LAMA3: variants seen among roughly 807,000 people sequenced by gnomAD.
LAMA3 encodes the protein laminin subunit alpha-3.
LAMA3 carries 281 observed loss-of-function variants against 402.0 expected under a neutral mutation model. That is an observed-to-expected ratio of 0.70 (90% CI 0.63 to 0.77). The LOEUF (loss-of-function observed/expected upper bound fraction) is 0.77. LAMA3 is among the 30% of genes least tolerant of loss of function. The pLI is 0.00. For missense variants in LAMA3, 3,840 were observed against 4,215.5 expected (o/e 0.91, Z 2.47); for synonymous variants, 1,431 against 1,558.4 (o/e 0.92, Z 1.93).
chr18:23,840,377 CTTTCT>C, intron 27 of LAMA3, among the ~76,000 whole-genome samples: 1 of 79,518 alleles, frequency 1.3e-5, no homozygotes, highest in East Asian at 4.2e-4. Flanking sequence ...AAGAACCTTT[CTTTCT>C]TTTTTTTTTT....
intron 12 of LAMA3, among the ~76,000 whole-genome samples, chr18:23,786,019 G>A (rs1302107971): frequency 6.6e-6 from 1 of 152,194 alleles, no homozygotes; most frequent in East Asian, 1.9e-4. Flanking sequence ...AACAACAGAG[G>A]AGGGAGGTTG....
intron 2 of LAMA3, among the ~76,000 whole-genome samples, chr18:23,745,013 C>T (rs558215845): frequency 1.9e-4 from 29 of 151,944 alleles, no homozygotes; most frequent in African/African-American, 7.0e-4. Flanking sequence ...TGAATATGGA[C>T]AATGTATTAA....
Position 23,829,416 on chromosome 18 carries a change from C to T in LAMA3, c.2823+1949C>T, listed in dbSNP as rs182056801. On this transcript the variant is annotated intron_variant, in intron 23 of 74. Transcript: ENST00000313654. ...AGAGGTTTTTATCCTCTCCTTCTTT[C>T]GCATCTGTTTCAGCCTGCTAATTTT... Among the ~76,000 whole-genome samples the T allele has an allele frequency of 2.3e-3, 351 of 152,262 alleles. 3 individuals are homozygous for T. Among genetic ancestry groups the T allele is most frequent in the African/African-American group, 7.9e-3 (327 of 41,546 alleles).
intron 52 of LAMA3, among the ~76,000 whole-genome samples, chr18:23,906,925 A>G (rs2081268056): frequency 6.6e-6 from 1 of 152,156 alleles, no homozygotes; most frequent in Admixed American, 6.5e-5. Context: ...ATTTTTGATG[A>G]CCCAAGGATG....
intron 52 of LAMA3, among the ~76,000 whole-genome samples, 177 bp downstream of exon 52, chr18:23,905,801 G>A (rs187348883): frequency 9.9e-5 from 15 of 152,166 alleles, no homozygotes; most frequent in Admixed American, 3.9e-4. Flanking sequence ...TGGGGTCTCC[G>A]TTGCCCAGGC....
rs987200455 is a variant in LAMA3 at position 23,836,839 on chromosome 18, A to C, written c.2985-142A>C. 1.4e-5 allele frequency: 10 copies of C among 699,304 alleles called. No homozygotes were observed. The Admixed American group carries it at 2.0e-4, about 14-fold the overall frequency. The allele number at this position is 699,304 out of a possible 1,614,324, so 43.3% of individuals were successfully genotyped here. A position where few individuals can be genotyped will look rare whatever the true frequency, so the allele number is the denominator to read the frequency against. ...GAGACTGCGAGCTGCATCCTTCTTC[A>C]ACTCATCATGCAGGAAAATTCACTA... On this transcript the variant is annotated intron_variant, in intron 24 of 74. Coordinates refer to ENST00000313654, the MANE Select transcript of LAMA3 (RefSeq NM_198129.4).
chr18:23,741,167 G>A (rs113557499), intron 2 of LAMA3, among the ~76,000 whole-genome samples: 7,723 of 151,886 alleles, frequency 0.051, 462 homozygotes, highest in Admixed American at 0.18. Flanking sequence ...CACTGTGTTA[G>A]CCAGGAGAGT....
rs201093281 is a variant in LAMA3 at position 23,921,515 on chromosome 18, A to G, written c.8107A>G (p.Ile2703Val). 642 of 1,613,554 alleles carry G rather than the reference A, an allele frequency of 4.0e-4. No individual in the cohort carries two copies. The highest frequency in any genetic ancestry group is 5.3e-4 in the Non-Finnish European group (625 of 1,179,600). Residue 2703 changes from isoleucine to valine, a missense_variant, in exon 62 of 75, where the codon ATA becomes GTA. This residue lies in a region of LAMA3 where 840 missense variants were observed against 981.9 expected (regional missense o/e 0.86). Transcript: ENST00000313654. ...MWINVDVQNTIIDGEVFDFST... is the reference protein window; with the variant it reads ...MWINVDVQNTVIDGEVFDFST... ...GATAAATGTGGACGTTCAAAACACT[A>G]TAATTGATGGTGAAGTATTTGATTT...
At chr18:23,751,317 A>G (rs1394017428) in intron 5 of LAMA3, among the ~76,000 whole-genome samples, 1 of 152,206 alleles carries the variant, frequency 6.6e-6, no homozygotes, top group Non-Finnish European at 1.5e-5. Context: ...AAGGCAAATG[A>G]TTATAGTCAG....
At chr18:23,899,664 G>GA in intron 47 of LAMA3, 1 of 492,978 alleles carries the variant, frequency 2.0e-6, no homozygotes, top group Non-Finnish European at 3.6e-6. Context: ...TTACCATCAT[G>GA]CAAAGAAAAA....
chr18:23,907,622 C>A lies in LAMA3; in HGVS notation c.6791C>A (p.Thr2264Asn), dbSNP rs1048645903. 2 of 1,613,938 alleles carry A rather than the reference C, an allele frequency of 1.2e-6. No individual in the cohort carries two copies. The highest frequency in any genetic ancestry group is 1.7e-6 in the Non-Finnish European group (2 of 1,179,780). ...IVTVQKEVID[T>N]NLTTLRDGLH... ...ACAGTTCAGAAAGAAGTGATAGACA[C>A]CAATCTCACAACTCTCCGAGATGGT... Residue 2264 changes from threonine to asparagine, a missense_variant, in exon 53 of 75, where the codon ACC becomes AAC. Transcript: ENST00000313654.
At chr18:23,923,739 A>G (rs931244969) in intron 62 of LAMA3, among the ~76,000 whole-genome samples, 1 of 152,208 alleles carries the variant, frequency 6.6e-6, no homozygotes, top group Non-Finnish European at 1.5e-5. Flanking sequence ...GGGCTTACCC[A>G]GAGCCAGGAG....
In LAMA3 at chr18:23,859,104, C is replaced by G. The variant is rs2064154686; in HGVS notation, c.4422+275C>G. On this transcript the variant is annotated intron_variant, in intron 34 of 74. Coordinates refer to ENST00000313654, the MANE Select transcript of LAMA3 (RefSeq NM_198129.4). Reference sequence around the variant, plus strand: ...ATTTTGTTTTAAAATTTGTTTATTGCCCTTCTTCTTCCATCCCTAGAATGG... The same window carrying G: ...ATTTTGTTTTAAAATTTGTTTATTGGCCTTCTTCTTCCATCCCTAGAATGG... Among the ~76,000 whole-genome samples, 6 of 152,160 alleles carry G rather than the reference C, an allele frequency of 3.9e-5. No homozygotes were observed. The South Asian group carries it at 1.2e-3, about 32-fold the overall frequency.
At chr18:23,855,456 C>G (rs1339883504) in intron 32 of LAMA3, among the ~76,000 whole-genome samples, 1 of 152,228 alleles carries the variant, frequency 6.6e-6, no homozygotes, top group African/African-American at 2.4e-5. Context: ...AGTCCTTGTG[C>G]TCCACACTCG....
rs773002721 is a variant in LAMA3, at chr18:23,867,903, G to A, written c.4753G>A (p.Val1585Met). ...GCCAGACCGGCTGCATCATGGACGA[G>A]TGCACGTGGTCGAGGTAAAGGAAGA... ...PRPDRLHHGR[V>M]HVVEGNFRHA... The change falls in exon 37 of 75, where the codon GTG becomes ATG. Residue 1585 changes from valine to methionine, a missense_variant. Val to Met is a conservative substitution (Grantham distance 21). Transcript: ENST00000313654. 4 of 1,614,032 alleles carry A rather than the reference G, an allele frequency of 2.5e-6. No homozygotes were observed. Among genetic ancestry groups the A allele is most frequent in the Admixed American group, 1.7e-5 (1 of 60,032 alleles).
chr18:23,930,780 G>A (rs1329153122), intron 64 of LAMA3, among the ~76,000 whole-genome samples: 1 of 152,120 alleles, frequency 6.6e-6, no homozygotes, highest in African/African-American at 2.4e-5. Flanking sequence ...TAACTGTTTT[G>A]TATAGTCGAT....
At chr18:23,691,277 T>C (rs1446753890) in intron 1 of LAMA3, among the ~76,000 whole-genome samples, 1 of 152,182 alleles carries the variant, frequency 6.6e-6, no homozygotes, top group East Asian at 1.9e-4. Flanking sequence ...GCATGTATTA[T>C]ATTGATATGT....
chr18:23,833,537 G>A (rs934893253), intron 23 of LAMA3, among the ~76,000 whole-genome samples: 1 of 152,158 alleles, frequency 6.6e-6, no homozygotes, highest in African/African-American at 2.4e-5. Flanking sequence ...AATAGTAGAA[G>A]TTTCTCTAAG....
chr18:23,691,039 T>G (rs1236081218), intron 1 of LAMA3, among the ~76,000 whole-genome samples: 1 of 152,048 alleles, frequency 6.6e-6, no homozygotes, highest in African/African-American at 2.4e-5. Context: ...CAGTCCTGAC[T>G]TCAAATCCTG....
Sources: allele counts gnomAD v4.1 joint callset (sites outside exome capture counted in the v4.1 genomes callset), GRCh38; gene constraint gnomAD v4.1.1; regional missense constraint gnomAD v4.1.1; transcripts MANE v1.5; gene names NCBI Gene and HGNC (gene_info 2026-07-23, HGNC 2026-07-21).